The following PCDH15 variants were observed in gnomAD, a reference collection of about 807,000 sequenced individuals.
PCDH15 encodes the protein protocadherin-15.
Under a neutral mutation model 178.5 loss-of-function variants are expected in PCDH15, and 129 were observed. That is an observed-to-expected ratio of 0.72 (90% CI 0.63 to 0.84). The LOEUF (loss-of-function observed/expected upper bound fraction) is 0.84, where lower values mean the gene tolerates loss of function less well. Ranked by LOEUF, PCDH15 falls within the 40% of genes least tolerant of loss-of-function variation. PCDH15 has a pLI of 0.00. For synonymous variants in PCDH15, 800 were observed against 732.0 expected, an observed-to-expected ratio of 1.09 and a Z score of -1.50; for missense variants, 2,230 against 2,099.9, an observed-to-expected ratio of 1.06 and a Z score of -1.21.
chr10:54,056,589 G>A (rs1190807595), intron 18 of PCDH15, among the ~76,000 whole-genome samples: 1 of 152,048 alleles, frequency 6.6e-6, no homozygotes, highest in Admixed American at 6.6e-5. Context: ...TCTTCACCTG[G>A]CCCCTCCCTT....
At chr10:54,951,007 CT>C (rs1378353885) in intron 2 of PCDH15, among the ~76,000 whole-genome samples, 2 of 151,810 alleles carry the variant, frequency 1.3e-5, no homozygotes, top group Non-Finnish European at 2.9e-5. Context: ...ATAGGTTCCC[CT>C]ATTCTTAATA....
intron 1 of PCDH15, among the ~76,000 whole-genome samples, chr10:55,279,390 T>C (rs2132255606): frequency 6.6e-6 from 1 of 152,320 alleles, no homozygotes; most frequent in South Asian, 2.1e-4. Flanking sequence ...GTGTGAGCTC[T>C]GAGAGACAAA....
At chr10:54,228,011 C>T (rs930180079) in intron 9 of PCDH15, among the ~76,000 whole-genome samples, 2 of 152,170 alleles carry the variant, frequency 1.3e-5, no homozygotes, top group African/African-American at 4.8e-5. Context: ...GAGTTCCAAA[C>T]TTTCTCGCAT....
chr10:54,937,408 T>C (rs1165753547), intron 2 of PCDH15, among the ~76,000 whole-genome samples: 1 of 152,038 alleles, frequency 6.6e-6, no homozygotes, highest in Non-Finnish European at 1.5e-5. Context: ...TTAAGAGATA[T>C]ATTGCCATCT....
chr10:54,164,050 C>T (rs2045970794), intron 13 of PCDH15, among the ~76,000 whole-genome samples: 1 of 152,104 alleles, frequency 6.6e-6, no homozygotes, highest in South Asian at 2.1e-4. Flanking sequence ...CAATGCATTG[C>T]TTTATTAAAG....
At chr10:54,715,885 T>A (rs562739611) in intron 1 of PCDH15, among the ~76,000 whole-genome samples, 4 of 152,260 alleles carry the variant, frequency 2.6e-5, no homozygotes, top group African/African-American at 9.6e-5. Flanking sequence ...GGCTTAGGAA[T>A]CTGTGCTGCC....
At chr10:55,060,287 T>G (rs567576217) in intron 2 of PCDH15, among the ~76,000 whole-genome samples, 1 of 152,078 alleles carries the variant, frequency 6.6e-6, no homozygotes, top group African/African-American at 2.4e-5. Context: ...CAAAAGTATT[T>G]ATTGATATTA....
intron 2 of PCDH15, among the ~76,000 whole-genome samples, chr10:54,557,659 A>G (rs1371838911): frequency 6.6e-6 from 1 of 151,880 alleles, no homozygotes. Flanking sequence ...TTCAAAACAT[A>G]GCAGTACGAG....
intron 3 of PCDH15, among the ~76,000 whole-genome samples, chr10:54,502,932 C>T (rs993654331): frequency 2.6e-5 from 4 of 151,904 alleles, no homozygotes; most frequent in African/African-American, 9.7e-5. Flanking sequence ...ACAATAAGTA[C>T]ATAATATGCA....
chr10:54,137,763 T>C (rs1197185704), intron 14 of PCDH15, among the ~76,000 whole-genome samples: 4 of 152,206 alleles, frequency 2.6e-5, no homozygotes, highest in Non-Finnish European at 5.9e-5. Flanking sequence ...GATTAAAATC[T>C]TCTTCTTTGA....
At chr10:54,833,163 T>G in intron 3 of PCDH15, among the ~76,000 whole-genome samples, 1 of 152,194 alleles carries the variant, frequency 6.6e-6, no homozygotes, top group East Asian at 1.9e-4. Flanking sequence ...GGTCATGTGT[T>G]ACTGATGAGA....
intron 18 of PCDH15, among the ~76,000 whole-genome samples, chr10:54,042,808 T>C (rs889331982): frequency 6.6e-6 from 1 of 152,122 alleles, no homozygotes; most frequent in Non-Finnish European, 1.5e-5. Context: ...CTTGCTGTAG[T>C]GCAGAAATTG....
At chr10:54,622,624 T>TATATATTAATTAATATATA (rs2093399846) in intron 2 of PCDH15, among the ~76,000 whole-genome samples, 1 of 42,252 alleles carries the variant, frequency 2.4e-5, no homozygotes, top group African/African-American at 1.0e-4. Flanking sequence ...ATATAATATA[T>TATATATTAATTAATATATA]ATAATATATA....
At chr10:54,927,681 T>A (rs940388266) in intron 2 of PCDH15, among the ~76,000 whole-genome samples, 1 of 152,190 alleles carries the variant, frequency 6.6e-6, no homozygotes, top group Admixed American at 6.5e-5. Context: ...ACCTTTACCA[T>A]TAAGTAATGC....
chr10:55,160,309 A>C (rs1839029031), intron 2 of PCDH15, among the ~76,000 whole-genome samples: 1 of 151,320 alleles, frequency 6.6e-6, no homozygotes, highest in Non-Finnish European at 1.5e-5. Flanking sequence ...CAGCCCTGAC[A>C]TGTTTGCACT....
intron 2 of PCDH15, among the ~76,000 whole-genome samples, chr10:55,007,536 A>T (rs1333559801): frequency 1.3e-5 from 2 of 152,344 alleles, no homozygotes; most frequent in East Asian, 1.9e-4. Context: ...CAAAGTTTTT[A>T]TCTAGAGGGT....
chr10:54,421,883 T>TAC lies in PCDH15; in HGVS notation c.158-42943_158-42942dup, dbSNP rs58594959. ...TATATACACACACTATATATATATA[T>TAC]ACACACACACACTATATATATATAT... On this transcript the variant is annotated intron_variant, in intron 3 of 37. Transcript: ENST00000644397. Among the ~76,000 whole-genome samples, 9 of 104,158 alleles carry TAC rather than the reference T, an allele frequency of 8.6e-5. 1 individual carries two copies. The highest frequency in any genetic ancestry group is 5.9e-4 in the South Asian group (2 of 3,416). 68.3% of individuals were successfully genotyped at this position (104,158 alleles called of 152,430 possible). A position where few individuals can be genotyped will look rare whatever the true frequency, so the allele number is the denominator to read the frequency against.
At chr10:54,443,202 C>A (rs1484859796) in intron 3 of PCDH15, among the ~76,000 whole-genome samples, 1 of 151,504 alleles carries the variant, frequency 6.6e-6, no homozygotes, top group Non-Finnish European at 1.5e-5. Context: ...TGCCTATGTA[C>A]ACCATCTAAT....
chr10:54,460,294 C>A (rs1409368816), intron 3 of PCDH15, among the ~76,000 whole-genome samples: 1 of 152,124 alleles, frequency 6.6e-6, no homozygotes, highest in Non-Finnish European at 1.5e-5. Context: ...ATGGTTCCTA[C>A]ACTCACAATG....
Sources: gnomAD v4.1 joint callset for allele counts (sites outside exome capture counted in the v4.1 genomes callset) on GRCh38, gnomAD v4.1.1 for gene constraint, MANE v1.5 for transcripts, NCBI Gene and HGNC (gene_info 2026-07-23, HGNC 2026-07-21) for gene names.